CFAP46: variants seen among roughly 807,000 people sequenced by gnomAD.
CFAP46 encodes cilia and flagella associated protein 46.
In CFAP46, 245 loss-of-function variants were observed where a neutral mutation model predicts 325.7. That is an observed-to-expected ratio of 0.75 (90% CI 0.68 to 0.84). The LOEUF (loss-of-function observed/expected upper bound fraction) is 0.84. Among genes scored for constraint, CFAP46 ranks in the 40% least tolerant of loss-of-function variants. The probability of loss-of-function intolerance (pLI) is 0.00; values close to 1 mark genes in which losing one functional copy is unlikely to be tolerated. For missense variants in CFAP46, 3,346 were observed against 3,543.0 expected, an observed-to-expected ratio of 0.94 and a Z score of 1.41; for synonymous variants, 1,523 against 1,495.9, an observed-to-expected ratio of 1.02 and a Z score of -0.42.
intron 24 of CFAP46, among the ~76,000 whole-genome samples, chr10:132,893,246 C>T (rs1003950033): frequency 3.3e-5 from 5 of 152,244 alleles, no homozygotes; most frequent in African/African-American, 7.2e-5. Flanking sequence ...CCACCGTACA[C>T]GTGGACAGTC....
Position 132,938,702 on chromosome 10 carries a change from C to T in CFAP46, c.423G>A (p.Arg141=), listed in dbSNP as rs750922018. 3.9e-5 allele frequency: 63 copies of T among 1,613,628 alleles called. No homozygotes were observed. Among genetic ancestry groups the T allele is most frequent in the Middle Eastern group, 1.7e-4 (1 of 6,056 alleles). ...NASVLYWQMV[R]PFLKPGYRHH... is the part of the protein sequence containing the mutation. Reference sequence around the variant, plus strand: ...GACGATATCCAGGCTTGAGGAACGGCCTCACCATCTGCCAGTAGAGGACTG... The same window carrying T: ...GACGATATCCAGGCTTGAGGAACGGTCTCACCATCTGCCAGTAGAGGACTG... Residue 141 remains arginine (R), a synonymous_variant, in exon 5 of 58, where the codon AGG becomes AGA. Coordinates refer to ENST00000368586, the MANE Select transcript of CFAP46 (RefSeq NM_001200049.3).
chr10:132,836,956 G>C (rs1044601571), intron 44 of CFAP46, 42 bp from the exon 45 acceptor site: 19 of 1,427,356 alleles, frequency 1.3e-5, no homozygotes, highest in Non-Finnish European at 1.9e-5. Context: ...CATTTAGGAC[G>C]CAAGGACGTC....
chr10:132,941,487 C>G, intron 3 of CFAP46, 104 bp downstream of exon 3: 1 of 1,439,502 alleles, frequency 6.9e-7, no homozygotes, highest in Non-Finnish European at 9.4e-7. Context: ...TTCCTTCACT[C>G]TACTACCCTA....
chr10:132,933,815 G>A (rs147085604), intron 8 of CFAP46, among the ~76,000 whole-genome samples: 2,413 of 152,330 alleles, frequency 0.016, 43 homozygotes, highest in African/African-American at 0.03. Flanking sequence ...CACAGGAACC[G>A]AGTCCTCTCA....
chr10:132,914,094 G>GC (rs1239928820), intron 17 of CFAP46, among the ~76,000 whole-genome samples: 6 of 93,202 alleles, frequency 6.4e-5, no homozygotes, highest in African/African-American at 2.9e-4. Context: ...CTGCACCCCG[G>GC]CCCGAGGCTG....
chr10:132,906,012 G>A (rs558795929), intron 22 of CFAP46, among the ~76,000 whole-genome samples: 3 of 152,358 alleles, frequency 2.0e-5, no homozygotes, highest in African/African-American at 7.2e-5. Context: ...TCCAACAGAG[G>A]GATGCCAAAG....
intron 44 of CFAP46, among the ~76,000 whole-genome samples, chr10:132,843,459 TGCTGTAGGGCTGCTGCTGGTGGGCGTTCC>T: frequency 7.9e-6 from 1 of 126,510 alleles, no homozygotes; most frequent in African/African-American, 3.9e-5. Context: ...GTTCCCAGGG[TGCTGTAGGGCTGCTGCTGGTGGGCGTTCC>T]CAGGGTGCTG....
Position 132,899,710 on chromosome 10 carries a change from C to T in CFAP46, c.2925-44G>A, listed in dbSNP as rs529251031. On this transcript the variant is annotated intron_variant, in intron 22 of 57. Transcript: ENST00000368586. The stretch of plus-strand genomic sequence containing the variant: ...TGAGGAGGGAGGCCACTGTGGCCCA[C>T]CTTGGGTCCTCCCTCCCTGGGTCAC... The T allele has an allele frequency of 2.3e-5, 35 of 1,523,726 alleles. No homozygotes were observed. In the Admixed American group the frequency reaches 3.5e-4, roughly 15 times the overall value. The allele number at this position is 1,523,726 out of a possible 1,614,324, so 94.4% of individuals were successfully genotyped here.
intron 17 of CFAP46, among the ~76,000 whole-genome samples, chr10:132,915,433 C>T (rs966891719): frequency 6.6e-5 from 10 of 152,276 alleles, no homozygotes; most frequent in African/African-American, 1.2e-4. Flanking sequence ...CAGCCGTCAT[C>T]GTCATTGCTG....
At chr10:132,812,760 G>T in intron 55 of CFAP46, 25 bp downstream of exon 55, 1 of 1,554,154 alleles carries the variant, frequency 6.4e-7, no homozygotes. Flanking sequence ...CGCGGGGGAG[G>T]GGGTGCTGAG....
At chr10:132,923,166 G>A (rs1849752978) in intron 11 of CFAP46, among the ~76,000 whole-genome samples, 1 of 151,910 alleles carries the variant, frequency 6.6e-6, no homozygotes. Flanking sequence ...GAGCAGCCAT[G>A]TAGGGGTACC....
intron 39 of CFAP46, among the ~76,000 whole-genome samples, chr10:132,855,453 G>T (rs1337097534): frequency 6.6e-6 from 1 of 152,018 alleles, no homozygotes; most frequent in African/African-American, 2.4e-5. Context: ...GCCCATAGTT[G>T]GGTTTTGCTT....
intron 5 of CFAP46, among the ~76,000 whole-genome samples, chr10:132,938,335 G>T (rs1471185771): frequency 6.6e-6 from 1 of 152,228 alleles, no homozygotes; most frequent in Non-Finnish European, 1.5e-5. Context: ...TATCTGCTTT[G>T]CTGGGAGTCT....
At position 132,812,806 on chromosome 10, in the gene CFAP46, A is replaced by C. The variant is rs754588119; in HGVS notation, c.7480T>G (p.Leu2494Val). Residue 2494 changes from leucine to valine, a missense_variant, in exon 55 of 58, where the codon TTG (leucine) becomes GTG (valine). Coordinates refer to ENST00000368586, the MANE Select transcript of CFAP46 (RefSeq NM_001200049.3). ...SFLSHILVER[L>V]VAMNLQECQV... Reference sequence around the variant, plus strand: ...TCACCTTGCAAGTTCATGGCGACCAATCTCTCCACTAATATATGGGACAGG... The same window carrying C: ...TCACCTTGCAAGTTCATGGCGACCACTCTCTCCACTAATATATGGGACAGG... 6.2e-7 allele frequency: 1 copy of C among 1,612,286 alleles called. No homozygotes were observed. The highest frequency in any genetic ancestry group is 2.2e-5 in the East Asian group (1 of 44,868).
chr10:132,886,420 C>T lies in CFAP46; in HGVS notation c.3305-461G>A, dbSNP rs1356911683. Among the ~76,000 whole-genome samples, 1 of 152,220 alleles carries T rather than the reference C, an allele frequency of 6.6e-6. No individual in the cohort carries two copies. The highest frequency in any genetic ancestry group is 2.4e-5 in the African/African-American group (1 of 41,460). ...AACAATCCCCGAGTCTCCACGCAGG[C>T]AGCGGAGCCATGTGACACGCAGAGG... is the stretch of plus-strand genomic sequence containing the variant. On this transcript the variant is annotated intron_variant, in intron 25 of 57. Coordinates refer to ENST00000368586, the MANE Select transcript of CFAP46 (RefSeq NM_001200049.3). The surrounding 1 kb of genome is among the most constrained non-coding windows in gnomAD (Gnocchi z 5.8).
In CFAP46 at chr10:132,913,159, G is replaced by A. The variant is rs1274480736; in HGVS notation, c.2220C>T (p.Ala740=). The change falls in exon 18 of 58, where the codon GCC becomes GCT. Residue 740 remains alanine, a synonymous_variant. Transcript: ENST00000368586. The stretch of plus-strand genomic sequence containing the variant: ...GGTTGTGGTTCAGGACGTAGACCAC[G>A]GCGTTCTGCACAATCCACGCCTCCT... ...EIQEAWIVQN[A]VVYVLNHNHH... 5.2e-6 allele frequency: 8 copies of A among 1,550,444 alleles called. No individual in the cohort carries two copies. Among genetic ancestry groups the A allele is most frequent in the Middle Eastern group, 1.7e-4 (1 of 5,992 alleles).
At chr10:132,856,054 A>G (rs1231899258) in intron 39 of CFAP46, among the ~76,000 whole-genome samples, 1 of 152,190 alleles carries the variant, frequency 6.6e-6, no homozygotes, top group African/African-American at 2.4e-5. Context: ...GAGTGTTTGG[A>G]GAAACATCTT....
chr10:132,939,168 G>C lies in CFAP46; in HGVS notation c.372-415C>G, dbSNP rs1177092545. Among the ~76,000 whole-genome samples, 2 of 152,232 alleles carry C rather than the reference G, an allele frequency of 1.3e-5. No homozygotes were observed. The highest frequency in any genetic ancestry group is 6.5e-5 in the Admixed American group (1 of 15,284). On this transcript the variant is annotated intron_variant, in intron 4 of 57. Transcript: ENST00000368586. This position sits in a 1 kb window ranked among gnomAD's most constrained non-coding sequence, Gnocchi z 4.6. ...GCAAGGACAGAGGGAATCAAGGAAG[G>C]CTTCCTGGAGGAGGTTACATGCCTG...
rs1489094974 is a variant in CFAP46 at position 132,939,766 on chromosome 10, CCT to C, written c.372-1015_372-1014del. 4.6e-5 allele frequency among the ~76,000 whole-genome samples: 7 copies of C among 152,140 alleles called. No individual in the cohort carries two copies. Among genetic ancestry groups the C allele is most frequent in the Non-Finnish European group, 1.0e-4 (7 of 68,014 alleles). ...TGCGTCTCCCTGAGTGCTGCGTCTC[CCT>C]GAGTGCTGCGTCTCGAAAGGAACCC... On this transcript the variant is annotated intron_variant, in intron 4 of 57. Coordinates refer to ENST00000368586, the MANE Select transcript of CFAP46 (RefSeq NM_001200049.3). The surrounding 1 kb of genome is among the most constrained non-coding windows in gnomAD (Gnocchi z 4.6).
Sources: allele counts gnomAD v4.1 joint callset (sites outside exome capture counted in the v4.1 genomes callset), GRCh38; gene constraint gnomAD v4.1.1; non-coding constraint Gnocchi (gnomAD v3.1); transcripts MANE v1.5; gene names NCBI Gene and HGNC (gene_info 2026-07-23, HGNC 2026-07-21).